Variants in PHC3 observed in about 807,000 individuals in gnomAD.
PHC3 encodes polyhomeotic-like protein 3.
A neutral mutation model predicts 107.4 loss-of-function variants in PHC3; 13 were observed. The ratio of observed to expected loss-of-function variants is 0.12; its 90% confidence interval spans 0.08 to 0.19. The LOEUF is 0.19. Ranked by LOEUF, PHC3 falls within the 10% of genes least tolerant of loss-of-function variation. The pLI is 1.00. For synonymous variants in PHC3, 456 were observed against 427.4 expected, an observed-to-expected ratio of 1.07 and a Z score of -0.83; for missense variants, 992 against 1,210.9, an observed-to-expected ratio of 0.82 and a Z score of 2.68.
chr3:170,174,983 T>C (rs1730193024), intron 2 of PHC3, among the ~76,000 whole-genome samples: 1 of 152,226 alleles, frequency 6.6e-6, no homozygotes, highest in African/African-American at 2.4e-5. Context: ...ACACATACTT[T>C]TGTCAGAGTA....
rs781242579 is a variant in PHC3 at position 170,097,246 on chromosome 3, G to A, written c.2972C>T (p.Ser991Phe). Residue 991 changes from serine to phenylalanine, a missense_variant, in exon 15 of 15, where the codon TCT becomes TTT. Physicochemically the swap from Ser to Phe is radical, Grantham distance 155. Coordinates refer to ENST00000495893, the MANE Select transcript of PHC3 (RefSeq NM_024947.4). The surrounding 1 kb of genome is among the most constrained non-coding windows in gnomAD (Gnocchi z 4.1). ...ATGTTCCTGTTAAGATTCCTTCAGA[G>A]AGTTGATGCGTGCACAGATCTTCAG... ...PALKICARINSLKES is the reference protein window; with the variant it reads ...PALKICARINFLKES 11 of 1,607,208 alleles carry A rather than the reference G, an allele frequency of 6.8e-6. No individual in the cohort carries two copies. The South Asian group carries it at 1.2e-4, about 18-fold the overall frequency.
Position 170,178,918 on chromosome 3 carries a change from G to C in PHC3, c.35C>G (p.Ala12Gly), listed in dbSNP as rs774910367. 4.3e-6 allele frequency: 7 copies of C among 1,613,660 alleles called. No homozygotes were observed. In the Admixed American group the frequency reaches 1.0e-4, roughly 23 times the overall value. The change falls in exon 2 of 15, where the codon GCT becomes GGT. Residue 12 changes from alanine to glycine, a missense_variant. Around this residue, in one of 6 missense-constraint regions of PHC3, gnomAD observed 161 missense variants for 183.7 expected, o/e 0.88. Coordinates refer to ENST00000495893, the MANE Select transcript of PHC3 (RefSeq NM_024947.4). ...TCCCGGGTTTGGTTCAGTATCCATAGCTGTACTATGGTCCTTAAATCTGGC... is the reference window on the plus strand; with the variant it reads ...TCCCGGGTTTGGTTCAGTATCCATACCTGTACTATGGTCCTTAAATCTGGC... Reference protein sequence around the residue: ...AEAEFKDHSTAMDTEPNPGTS... With the variant: ...AEAEFKDHSTGMDTEPNPGTS...
rs1714198364 is a variant in PHC3, at chr3:170,092,428, G to A, written c.*4802C>T. The A allele has an allele frequency of 6.6e-6, 1 of 152,176 alleles. No individual in the cohort carries two copies. The highest frequency in any genetic ancestry group is 2.1e-4 in the South Asian group (1 of 4,816). 9.4% of individuals were successfully genotyped at this position (152,176 alleles called of 1,614,324 possible). A position where few individuals can be genotyped will look rare whatever the true frequency, so the allele number is the denominator to read the frequency against. ...CACAATCTTTGAGATGAAATTAAAT[G>A]CTCCAAGTAGATTTGTAAAATACCA... On this transcript the variant is annotated 3_prime_UTR_variant, in exon 15 of 15. Coordinates refer to ENST00000495893, the MANE Select transcript of PHC3 (RefSeq NM_024947.4).
At chr3:170,143,780 C>T (rs147950234) in intron 6 of PHC3, among the ~76,000 whole-genome samples, 1 of 152,100 alleles carries the variant, frequency 6.6e-6, no homozygotes, top group African/African-American at 2.4e-5. Flanking sequence ...ATTACTACCC[C>T]AACCAATATA....
At chr3:170,100,463 T>C (rs893907863) in intron 14 of PHC3, among the ~76,000 whole-genome samples, 1 of 152,162 alleles carries the variant, frequency 6.6e-6, no homozygotes, top group African/African-American at 2.4e-5. Flanking sequence ...AGCTTATTAT[T>C]TGGCCTGTCA....
At chr3:170,149,485 G>C (rs1445530720) in intron 4 of PHC3, among the ~76,000 whole-genome samples, 1 of 151,268 alleles carries the variant, frequency 6.6e-6, no homozygotes, top group East Asian at 1.9e-4. Flanking sequence ...TGGGAGTTTC[G>C]CTCTTGTTGC....
At position 170,097,375 on chromosome 3, in the gene PHC3, T is replaced by A. The variant is rs903663633; in HGVS notation, c.2843A>T (p.Asp948Val). 3.1e-6 allele frequency: 5 copies of A among 1,612,454 alleles called. No individual in the cohort carries two copies. Among genetic ancestry groups the A allele is most frequent in the Non-Finnish European group, 4.2e-6 (5 of 1,179,044 alleles). The change falls in exon 15 of 15, where the codon GAT (aspartate) becomes GTT (valine). Residue 948 changes from aspartate to valine, a missense_variant. This residue lies in a region of PHC3 where 228 missense variants were observed against 288.8 expected (regional missense o/e 0.79). Transcript: ENST00000495893. This position sits in a 1 kb window ranked among gnomAD's most constrained non-coding sequence, Gnocchi z 4.1. ...CTGTGCTCTGAATTCATCTGCGATA[T>A]CCTGGCAGCCTGGAATTTGACCAGA... The part of the protein sequence containing the change: ...AFIHSLPGCQ[D>V]IADEFRAQEI...
At chr3:170,159,027 A>G (rs990587924) in intron 4 of PHC3, among the ~76,000 whole-genome samples, 11 of 151,992 alleles carry the variant, frequency 7.2e-5, no homozygotes, top group Admixed American at 1.3e-4. Flanking sequence ...CAAGGCGGGC[A>G]GATCACAAGG....
intron 1 of PHC3, among the ~76,000 whole-genome samples, 172 bp downstream of exon 1, chr3:170,181,530 G>T (rs1324272966): frequency 6.6e-6 from 1 of 152,138 alleles, no homozygotes; most frequent in Non-Finnish European, 1.5e-5. Context: ...CCTAGAGTTC[G>T]TCTTCGCCCC....
At chr3:170,130,952 T>C (rs1465836587) in intron 7 of PHC3, among the ~76,000 whole-genome samples, 1 of 152,048 alleles carries the variant, frequency 6.6e-6, no homozygotes, top group African/African-American at 2.4e-5. Flanking sequence ...AGAAAGACTA[T>C]ATTATACCTT....
chr3:170,107,028 A>G, intron 11 of PHC3, 82 bp from the exon 12 acceptor site: 1 of 920,868 alleles, frequency 1.1e-6, no homozygotes, highest in South Asian at 1.8e-5. Context: ...CTTTGGTTGG[A>G]TACTGCTAGC....
intron 4 of PHC3, among the ~76,000 whole-genome samples, chr3:170,163,400 T>C (rs932962875): frequency 1.3e-5 from 2 of 152,024 alleles, no homozygotes; most frequent in East Asian, 1.9e-4. Flanking sequence ...CAGAGACTTA[T>C]GATTGTAGTT....
Position 170,088,746 on chromosome 3 carries a change from GGAA to G in PHC3, c.*8481_*8483del, listed in dbSNP as rs1713756899. On this transcript the variant is annotated 3_prime_UTR_variant, in exon 15 of 15. Transcript: ENST00000495893. ...AAAGTATTTTTTAAACCAGTACCATGGAATAACTTTTTGAAACCCAGATTATCT... is the reference window on the plus strand; with the variant it reads ...AAAGTATTTTTTAAACCAGTACCATGTAACTTTTTGAAACCCAGATTATCT... 1 of 152,160 alleles carries G rather than the reference GGAA, an allele frequency of 6.6e-6. No individual in the cohort carries two copies. Among genetic ancestry groups the G allele is most frequent in the African/African-American group, 2.4e-5 (1 of 41,436 alleles). 9.4% of individuals were successfully genotyped at this position (152,160 alleles called of 1,614,324 possible).
chr3:170,167,298 G>C (rs756994520), intron 4 of PHC3, among the ~76,000 whole-genome samples: 9 of 152,136 alleles, frequency 5.9e-5, no homozygotes, highest in Non-Finnish European at 1.2e-4. Context: ...ACAGGCGCTT[G>C]CCACCACATC....
chr3:170,119,905 T>C (rs1719883512), intron 9 of PHC3, among the ~76,000 whole-genome samples: 1 of 152,044 alleles, frequency 6.6e-6, no homozygotes, highest in Non-Finnish European at 1.5e-5. Flanking sequence ...TGAGGTAAAT[T>C]AGAGGAAGAT....
intron 9 of PHC3, among the ~76,000 whole-genome samples, chr3:170,118,864 C>T (rs1045388996): frequency 6.6e-6 from 1 of 151,584 alleles, no homozygotes; most frequent in Non-Finnish European, 1.5e-5. Flanking sequence ...AATTCCTAGA[C>T]TCAAGTGATC....
At chr3:170,131,608 A>C (rs2108482500) in intron 7 of PHC3, among the ~76,000 whole-genome samples, 1 of 152,254 alleles carries the variant, frequency 6.6e-6, no homozygotes, top group Admixed American at 6.5e-5. Context: ...CTGAGGTGGG[A>C]GGATCACCTG....
chr3:170,165,084 T>TTC (rs1728509661), intron 4 of PHC3, among the ~76,000 whole-genome samples: 1 of 152,192 alleles, frequency 6.6e-6, no homozygotes, highest in Non-Finnish European at 1.5e-5. Flanking sequence ...GGTACTCCTA[T>TTC]TCCTTCTAGA....
chr3:170,133,109 T>G (rs1722522327), intron 7 of PHC3, among the ~76,000 whole-genome samples: 1 of 152,138 alleles, frequency 6.6e-6, no homozygotes, highest in African/African-American at 2.4e-5. Flanking sequence ...TAAAATGACT[T>G]GAAGGAACAT....
Sources: gnomAD v4.1 joint callset for allele counts (sites outside exome capture counted in the v4.1 genomes callset) on GRCh38, gnomAD v4.1.1 for gene constraint, gnomAD v4.1.1 regional missense constraint, Gnocchi (gnomAD v3.1) non-coding constraint, MANE v1.5 for transcripts, NCBI Gene and HGNC (gene_info 2026-07-23, HGNC 2026-07-21) for gene names.